SMIM30: variants seen among roughly 807,000 people sequenced by gnomAD.
The protein encoded by SMIM30 is long intergenic non-protein coding RNA 998.
For synonymous variants in SMIM30, 19 were observed against 11.5 expected (o/e 1.65, Z -1.31); for missense variants, 43 against 27.6 (o/e 1.56, Z -1.25).
chr7:113,117,914 A>G, intron 2 of SMIM30, 154 bp downstream of exon 2: 1 of 368,008 alleles, frequency 2.7e-6, no homozygotes, highest in Non-Finnish European at 5.2e-6. Context: ...ACAGAAAAAA[A>G]GCACGAGCCA....
Position 113,117,574 on chromosome 7 carries a change from G to A in SMIM30, c.5C>T (p.Thr2Ile), listed in dbSNP as rs1173431708. 3 of 702,828 alleles carry A rather than the reference G, an allele frequency of 4.3e-6. No homozygotes were observed. The highest frequency in any genetic ancestry group is 2.7e-5 in the East Asian group (1 of 37,304). The allele number at this position is 702,828 out of a possible 1,614,324, so 43.5% of individuals were successfully genotyped here. A position where few individuals can be genotyped will look rare whatever the true frequency, so the allele number is the denominator to read the frequency against. Residue 2 changes from threonine (T) to isoleucine (I), a missense_variant, in exon 3 of 3, where the codon ACC becomes ATC. By Grantham distance (89) the Thr-to-Ile change is moderately conservative. Transcript: ENST00000397764. ...TAAGGACAACTGTGTTGAAACTGAG[G>A]TCATGATGTTGGAATCTTGAGGGCT... M[T>I]SVSTQLSLVL...
rs1435547993 is a variant in SMIM30, at chr7:113,117,490, G to C, written c.89C>G (p.Ala30Gly). 1.4e-6 allele frequency: 1 copy of C among 702,842 alleles called. No individual in the cohort carries two copies. Among genetic ancestry groups the C allele is most frequent in the East Asian group, 2.7e-5 (1 of 37,282 alleles). 43.5% of individuals were successfully genotyped at this position (702,842 alleles called of 1,614,324 possible). The change falls in exon 3 of 3, where the codon GCA becomes GGA. Residue 30 changes from alanine to glycine, a missense_variant. Transcript: ENST00000397764. Reference protein sequence around the residue: ...PVVEAVEAGDAIALLLGVVLS... With the variant: ...PVVEAVEAGDGIALLLGVVLS... ...AACCACACCTAACAAAAGGGCGATTGCATCACCGGCTTCTACTGCTTCCAC... is the reference window on the plus strand; with the variant it reads ...AACCACACCTAACAAAAGGGCGATTCCATCACCGGCTTCTACTGCTTCCAC...
Position 113,117,457 on chromosome 7 carries a change from A to G in SMIM30, c.122T>C (p.Ile41Thr), listed in dbSNP as rs1794700285. 2 of 702,844 alleles carry G rather than the reference A, an allele frequency of 2.8e-6. No individual in the cohort carries two copies. Among genetic ancestry groups the G allele is most frequent in the Admixed American group, 4.0e-5 (2 of 49,980 alleles). The allele number at this position is 702,844 out of a possible 1,614,324, so 43.5% of individuals were successfully genotyped here. ...CCCCAAGCAGGCACAAATGCCTGTA[A>G]TGCTGAGAACCACACCTAACAAAAG... ...IALLLGVVLS[I>T]TGICACLGVY... Residue 41 changes from isoleucine to threonine, a missense_variant, in exon 3 of 3, where the codon ATT (isoleucine) becomes ACT (threonine). Ile to Thr is a moderately conservative substitution (Grantham distance 89). Coordinates refer to ENST00000397764, the MANE Select transcript of SMIM30 (RefSeq NM_001352688.2).
intron 1 of SMIM30, 142 bp downstream of exon 1, chr7:113,118,386 C>T (rs1794722137): frequency 4.4e-6 from 2 of 454,706 alleles, no homozygotes; most frequent in African/African-American, 2.0e-5. Context: ...AGAAACAGAA[C>T]AGAGATAATT....
Position 113,117,502 on chromosome 7 carries a change from T to C in SMIM30, c.77A>G (p.Glu26Gly), listed in dbSNP as rs1220922311. ...CAAAAGGGCGATTGCATCACCGGCT[T>C]CTACTGCTTCCACAACAGGCAGCAC... ...LLVLPVVEAV[E>G]AGDAIALLLG... The change falls in exon 3 of 3, where the codon GAA becomes GGA. Residue 26 changes from glutamate to glycine, a missense_variant. Coordinates refer to ENST00000397764, the MANE Select transcript of SMIM30 (RefSeq NM_001352688.2). The C allele has an allele frequency of 1.4e-6, 1 of 702,868 alleles. No homozygotes were observed. 43.5% of individuals were successfully genotyped at this position (702,868 alleles called of 1,614,324 possible).
intron 2 of SMIM30, 44 bp downstream of exon 2, chr7:113,118,024 C>G (rs1188932648): frequency 2.4e-6 from 1 of 421,058 alleles, no homozygotes; most frequent in Admixed American, 2.8e-5. Context: ...AAAAGTCACA[C>G]AACATATAAC....
chr7:113,117,654 C>T (rs1247803036), intron 2 of SMIM30, 47 bp from the exon 3 acceptor site: 3 of 696,882 alleles, frequency 4.3e-6, no homozygotes, highest in Middle Eastern at 2.3e-4. Flanking sequence ...AAAATTCCTC[C>T]CTTTTCAAAT....
At position 113,118,092 on chromosome 7, in the gene SMIM30, C is replaced by T. The variant is rs756037658; in HGVS notation, c.-54G>A. The T allele has an allele frequency of 1.8e-5, 8 of 452,492 alleles. 2 individuals carry two copies. Among genetic ancestry groups the T allele is most frequent in the South Asian group, 1.1e-4 (7 of 64,350 alleles). The allele number at this position is 452,492 out of a possible 1,614,324, so 28.0% of individuals were successfully genotyped here. A position where few individuals can be genotyped will look rare whatever the true frequency, so the allele number is the denominator to read the frequency against. ...CCAAAGAAATGGTATATATAGAATT[C>T]TATCTGACTTGAAATTTTCCCTTCC... On this transcript the variant is annotated 5_prime_UTR_variant, in exon 2 of 3. Transcript: ENST00000397764.
chr7:113,117,522 C>A lies in SMIM30; in HGVS notation c.57G>T (p.Leu19=), dbSNP rs896311487. The change falls in exon 3 of 3, where the codon CTG becomes CTT. Residue 19 remains leucine, a synonymous_variant. Transcript: ENST00000397764. ...SLVLMSLLLV[L]PVVEAVEAGD... ...CGGCTTCTACTGCTTCCACAACAGG[C>A]AGCACCAAAAGCAGTGACATGAGGA... 2.8e-6 allele frequency: 2 copies of A among 702,850 alleles called. No homozygotes were observed. The highest frequency in any genetic ancestry group is 5.2e-6 in the Non-Finnish European group (2 of 384,902). The allele number at this position is 702,850 out of a possible 1,614,324, so 43.5% of individuals were successfully genotyped here.
chr7:113,117,806 CGTG>C (rs1337441481), intron 2 of SMIM30, 199 bp from the exon 3 acceptor site: 1 of 547,176 alleles, frequency 1.8e-6, no homozygotes, highest in Non-Finnish European at 3.3e-6. Context: ...CTCCCTATCT[CGTG>C]ATAACACTCT....
Position 113,118,527 on chromosome 7 carries a change from C to A in SMIM30, c.-124+1G>T. 2.2e-6 allele frequency: 1 copy of A among 455,922 alleles called. No homozygotes were observed. Among genetic ancestry groups the A allele is most frequent in the Non-Finnish European group, 4.4e-6 (1 of 226,840 alleles). The allele number at this position is 455,922 out of a possible 1,614,324, so 28.2% of individuals were successfully genotyped here. Reference sequence around the variant, plus strand: ...CCTTTGGAGACGAGTTCGTACATTACCTTCTAGGAAGCAGCCATTACAGGA... The same window carrying A: ...CCTTTGGAGACGAGTTCGTACATTAACTTCTAGGAAGCAGCCATTACAGGA... On this transcript the variant is annotated splice_donor_variant, in intron 1 of 2. Coordinates refer to ENST00000397764, the MANE Select transcript of SMIM30 (RefSeq NM_001352688.2). LOFTEE classifies it low-confidence loss of function (5UTR_SPLICE).
At position 113,117,608 on chromosome 7, in the gene SMIM30, C is replaced by T; in HGVS notation, c.-29-1G>A. 1 of 702,316 alleles carries T rather than the reference C, an allele frequency of 1.4e-6. No homozygotes were observed. Among genetic ancestry groups the T allele is most frequent in the Non-Finnish European group, 2.6e-6 (1 of 384,548 alleles). 43.5% of individuals were successfully genotyped at this position (702,316 alleles called of 1,614,324 possible). ...TTGGAATCTTGAGGGCTGAAGGTTC[C>T]TAGAAATTAAACATGGAAACAAAAA... On this transcript the variant is annotated splice_acceptor_variant, in intron 2 of 2. Transcript: ENST00000397764. LOFTEE classifies it low-confidence loss of function (5UTR_SPLICE).
chr7:113,117,545 G>A lies in SMIM30; in HGVS notation c.34C>T (p.Leu12Phe), dbSNP rs1794702609. 1 of 702,788 alleles carries A rather than the reference G, an allele frequency of 1.4e-6. No individual in the cohort carries two copies. The highest frequency in any genetic ancestry group is 2.6e-6 in the Non-Finnish European group (1 of 384,928). 43.5% of individuals were successfully genotyped at this position (702,788 alleles called of 1,614,324 possible). A position where few individuals can be genotyped will look rare whatever the true frequency, so the allele number is the denominator to read the frequency against. ...TSVSTQLSLV[L>F]MSLLLVLPVV... ...GGCAGCACCAAAAGCAGTGACATGAGGACTAAGGACAACTGTGTTGAAACT... is the reference window on the plus strand; with the variant it reads ...GGCAGCACCAAAAGCAGTGACATGAAGACTAAGGACAACTGTGTTGAAACT... Residue 12 changes from leucine to phenylalanine, a missense_variant, in exon 3 of 3, where the codon CTC becomes TTC. Coordinates refer to ENST00000397764, the MANE Select transcript of SMIM30 (RefSeq NM_001352688.2).
rs1794704782 is a variant in SMIM30, at chr7:113,117,606, T to G, written c.-28A>C. On this transcript the variant is annotated splice_region_variant and 5_prime_UTR_variant, in exon 3 of 3. Coordinates refer to ENST00000397764, the MANE Select transcript of SMIM30 (RefSeq NM_001352688.2). ...TGTTGGAATCTTGAGGGCTGAAGGT[T>G]CCTAGAAATTAAACATGGAAACAAA... The G allele has an allele frequency of 2.8e-6, 2 of 702,238 alleles. No homozygotes were observed. Among genetic ancestry groups the G allele is most frequent in the South Asian group, 3.0e-5 (2 of 67,536 alleles). 43.5% of individuals were successfully genotyped at this position (702,238 alleles called of 1,614,324 possible).
chr7:113,117,478 A>G lies in SMIM30; in HGVS notation c.101T>C (p.Leu34Ser). The G allele has an allele frequency of 1.4e-6, 1 of 702,924 alleles. No homozygotes were observed. The highest frequency in any genetic ancestry group is 2.6e-6 in the Non-Finnish European group (1 of 384,882). The allele number at this position is 702,924 out of a possible 1,614,324, so 43.5% of individuals were successfully genotyped here. The change falls in exon 3 of 3, where the codon TTG becomes TCG. Residue 34 changes from leucine to serine, a missense_variant. Leu to Ser is a moderately radical substitution (Grantham distance 145). Transcript: ENST00000397764. ...TGTAATGCTGAGAACCACACCTAAC[A>G]AAAGGGCGATTGCATCACCGGCTTC... Reference protein sequence around the residue: ...AVEAGDAIALLLGVVLSITGI... With the variant: ...AVEAGDAIALSLGVVLSITGI...
Position 113,117,472 on chromosome 7 carries a change from C to G in SMIM30, c.107G>C (p.Gly36Ala), listed in dbSNP as rs1359281613. The G allele has an allele frequency of 1.4e-6, 1 of 702,904 alleles. No homozygotes were observed. Among genetic ancestry groups the G allele is most frequent in the South Asian group, 1.5e-5 (1 of 67,586 alleles). The allele number at this position is 702,904 out of a possible 1,614,324, so 43.5% of individuals were successfully genotyped here. Residue 36 changes from glycine to alanine, a missense_variant, in exon 3 of 3, where the codon GGT (glycine) becomes GCT (alanine). Coordinates refer to ENST00000397764, the MANE Select transcript of SMIM30 (RefSeq NM_001352688.2). ...EAGDAIALLL[G>A]VVLSITGICA... ...AATGCCTGTAATGCTGAGAACCACA[C>G]CTAACAAAAGGGCGATTGCATCACC... is the stretch of plus-strand genomic sequence containing the variant.
chr7:113,118,383 G>C (rs1175670922), intron 1 of SMIM30, 145 bp downstream of exon 1: 2 of 454,622 alleles, frequency 4.4e-6, no homozygotes, highest in Non-Finnish European at 4.4e-6. Flanking sequence ...AAAAGAAACA[G>C]AACAGAGATA....
In SMIM30 at chr7:113,117,505, A is replaced by C. The variant is rs954646107; in HGVS notation, c.74T>G (p.Val25Gly). Residue 25 changes from valine to glycine, a missense_variant, in exon 3 of 3, where the codon GTA (valine) becomes GGA (glycine). Val to Gly is a moderately radical substitution (Grantham distance 109). Transcript: ENST00000397764. ...LLLVLPVVEA[V>G]EAGDAIALLL... ...AAGGGCGATTGCATCACCGGCTTCT[A>C]CTGCTTCCACAACAGGCAGCACCAA... 4.3e-6 allele frequency: 3 copies of C among 702,770 alleles called. No individual in the cohort carries two copies. Among genetic ancestry groups the C allele is most frequent in the African/African-American group, 1.7e-5 (1 of 57,252 alleles). The allele number at this position is 702,770 out of a possible 1,614,324, so 43.5% of individuals were successfully genotyped here.
Position 113,118,091 on chromosome 7 carries a change from T to G in SMIM30, c.-53A>C, listed in dbSNP as rs1230380559. 6.6e-6 allele frequency: 3 copies of G among 453,268 alleles called. No homozygotes were observed. The East Asian group carries it at 2.1e-4, about 32-fold the overall frequency. 28.1% of individuals were successfully genotyped at this position (453,268 alleles called of 1,614,324 possible). On this transcript the variant is annotated 5_prime_UTR_variant, in exon 2 of 3. Coordinates refer to ENST00000397764, the MANE Select transcript of SMIM30 (RefSeq NM_001352688.2). ...ACCAAAGAAATGGTATATATAGAAT[T>G]CTATCTGACTTGAAATTTTCCCTTC... is the stretch of plus-strand genomic sequence containing the variant.
Sources: allele counts gnomAD v4.1 joint callset, GRCh38; gene constraint gnomAD v4.1.1; transcripts MANE v1.5; gene names NCBI Gene and HGNC (gene_info 2026-07-23, HGNC 2026-07-21).